Variants in ENTREP2 observed in about 807,000 individuals in gnomAD.
The protein encoded by ENTREP2 is protein ENTREP2.
the ENTREP2 span, among the ~76,000 whole-genome samples, chr15:29,270,980 T>C: frequency 6.6e-6 from 1 of 152,236 alleles, no homozygotes; most frequent in African/African-American, 2.4e-5. Context: ...AGTAATAGCA[T>C]CAAACACAAC....
At chr15:29,630,623 T>C in the ENTREP2 span, among the ~76,000 whole-genome samples, 3 of 152,178 alleles carry the variant, frequency 2.0e-5, no homozygotes, top group South Asian at 2.1e-4. Context: ...CTAGTTCTTT[T>C]GTCATTGTCC....
the ENTREP2 span, among the ~76,000 whole-genome samples, chr15:29,356,274 A>G: frequency 6.2e-3 from 292 of 47,146 alleles, 2 homozygotes; most frequent in African/African-American, 0.013. Flanking sequence ...GTGTGTATAT[A>G]TATATATATA....
At chr15:29,517,183 C>T in the ENTREP2 span, among the ~76,000 whole-genome samples, 2 of 152,236 alleles carry the variant, frequency 1.3e-5, no homozygotes, top group Admixed American at 6.5e-5. Flanking sequence ...TGCTATCAAC[C>T]TCATCCCACA....
chr15:29,409,631 T>G, the ENTREP2 span, among the ~76,000 whole-genome samples: 1 of 73,756 alleles, frequency 1.4e-5, no homozygotes, highest in Non-Finnish European at 2.5e-5. Flanking sequence ...GGCCTATTTT[T>G]CTTTTTTTTT....
chr15:29,558,787 C>T, the ENTREP2 span, among the ~76,000 whole-genome samples: 51,364 of 124,974 alleles, frequency 0.41, 9,344 homozygotes, highest in East Asian at 0.53. Context: ...AGTGGGAAGA[C>T]GACAAAGATG....
chr15:29,463,985 C>A, the ENTREP2 span, among the ~76,000 whole-genome samples: 1 of 152,130 alleles, frequency 6.6e-6, no homozygotes, highest in African/African-American at 2.4e-5. Context: ...AGATGCCACT[C>A]ATATGAGTTG....
chr15:29,281,652 C>T, the ENTREP2 span, among the ~76,000 whole-genome samples: 1 of 152,170 alleles, frequency 6.6e-6, no homozygotes, highest in Non-Finnish European at 1.5e-5. Flanking sequence ...ACCAGCTAAC[C>T]CTGCGGCAAC....
At chr15:29,132,684 G>A in the ENTREP2 span, among the ~76,000 whole-genome samples, 2 of 152,224 alleles carry the variant, frequency 1.3e-5, no homozygotes, top group Non-Finnish European at 2.9e-5. Flanking sequence ...ATTCTTCAGA[G>A]AAAACAGTAA....
chr15:29,153,065 T>A, the ENTREP2 span, among the ~76,000 whole-genome samples: 1 of 152,254 alleles, frequency 6.6e-6, no homozygotes, highest in African/African-American at 2.4e-5. Flanking sequence ...TTTCATGTGC[T>A]TATTTGCCAT....
At chr15:29,409,181 C>T in the ENTREP2 span, among the ~76,000 whole-genome samples, 1 of 152,108 alleles carries the variant, frequency 6.6e-6, no homozygotes, top group Non-Finnish European at 1.5e-5. Context: ...CACATGTCTC[C>T]GGTTTTCAGG....
the ENTREP2 span, chr15:29,136,503 T>C: frequency 1.3e-6 from 2 of 1,546,910 alleles, no homozygotes; most frequent in Non-Finnish European, 1.7e-6. Context: ...TGGAGGCCCC[T>C]GAAAAGACAG....
At chr15:29,206,791 G>A in the ENTREP2 span, among the ~76,000 whole-genome samples, 1 of 152,126 alleles carries the variant, frequency 6.6e-6, no homozygotes, top group Non-Finnish European at 1.5e-5. Flanking sequence ...TGAATTGTAT[G>A]ATACGTGAAT....
the ENTREP2 span, among the ~76,000 whole-genome samples, chr15:29,193,669 G>A: frequency 1.3e-5 from 2 of 152,166 alleles, no homozygotes; most frequent in African/African-American, 4.8e-5. Context: ...ATCTGTATCT[G>A]TCCTATTGGC....
At chr15:29,372,207 C>A in the ENTREP2 span, among the ~76,000 whole-genome samples, 10 of 152,094 alleles carry the variant, frequency 6.6e-5, no homozygotes, top group Admixed American at 6.5e-4. Context: ...ACAGCAAGAC[C>A]AACCCCTCCT....
the ENTREP2 span, among the ~76,000 whole-genome samples, chr15:29,571,264 C>T: frequency 6.6e-6 from 1 of 152,158 alleles, no homozygotes; most frequent in Non-Finnish European, 1.5e-5. Flanking sequence ...AGGGCAACGG[C>T]ATCAGCCTCC....
chr15:29,570,792 G>A, the ENTREP2 span: 6 of 643,530 alleles, frequency 9.3e-6, no homozygotes, highest in Non-Finnish European at 9.6e-6. Flanking sequence ...TCTCCTCACA[G>A]AGGGTCCGAG....
chr15:29,617,819 C>T, the ENTREP2 span, among the ~76,000 whole-genome samples: 2 of 152,186 alleles, frequency 1.3e-5, no homozygotes, highest in Admixed American at 6.5e-5. Flanking sequence ...GACGGGGATG[C>T]CCGCTGAGCC....
the ENTREP2 span, among the ~76,000 whole-genome samples, chr15:29,134,646 C>A: frequency 6.6e-6 from 1 of 152,232 alleles, no homozygotes; most frequent in Non-Finnish European, 1.5e-5. Flanking sequence ...CCTAAGACCA[C>A]CCTGCCTGCA....
chr15:29,236,049 A>T, the ENTREP2 span, among the ~76,000 whole-genome samples: 1 of 152,210 alleles, frequency 6.6e-6, no homozygotes, highest in Non-Finnish European at 1.5e-5. Flanking sequence ...AATGAAATAA[A>T]AAACAGAAAA....
Sources: allele counts gnomAD v4.1 joint callset (sites outside exome capture counted in the v4.1 genomes callset), GRCh38; gene constraint gnomAD v4.1.1; transcripts MANE v1.5; gene names NCBI Gene and HGNC (gene_info 2026-07-23, HGNC 2026-07-21).